AARS2: variants seen among roughly 807,000 people sequenced by gnomAD.
AARS2 encodes the protein alanine--tRNA ligase, mitochondrial.
Under a neutral mutation model 119.7 loss-of-function variants are expected in AARS2, and 78 were observed. The observed-to-expected ratio is 0.65, with a 90% CI of 0.54 to 0.79. AARS2 has a LOEUF of 0.79. AARS2 is among the 30% of genes least tolerant of loss of function. AARS2 has a pLI of 0.00. For synonymous variants in AARS2, 502 were observed against 526.3 expected (o/e 0.95, Z 0.63); for missense variants, 1,157 against 1,291.3 (o/e 0.90, Z 1.59).
rs369566535 is a variant in AARS2 at position 44,304,659 on chromosome 6, G to A, written c.1738C>T (p.Arg580Trp). The A allele has an allele frequency of 8.1e-5, 130 of 1,614,092 alleles. No individual in the cohort carries two copies. The highest frequency in any genetic ancestry group is 9.7e-5 in the Non-Finnish European group (114 of 1,180,050). Reference protein sequence around the residue: ...GQASDRGYLVRAGQEDVLFPV... With the variant: ...GQASDRGYLVWAGQEDVLFPV... ...TGGAGACTCACCTCTTGCCCTGCCC[G>A]CACCAGGTAGCCACGGTCTGAAGCC... The change falls in exon 12 of 22, where the codon CGG (arginine) becomes TGG (tryptophan). Residue 580 changes from arginine (R) to tryptophan (W), a missense_variant. Coordinates refer to ENST00000244571, the MANE Select transcript of AARS2 (RefSeq NM_020745.4).
At chr6:44,309,119 T>G (rs755662592) in intron 5 of AARS2, among the ~76,000 whole-genome samples, 1 of 152,220 alleles carries the variant, frequency 6.6e-6, no homozygotes, top group Non-Finnish European at 1.5e-5. Flanking sequence ...TGACTTGCTT[T>G]GGCCCATAGA....
At chr6:44,302,653 G>A in intron 17 of AARS2, 140 bp from the exon 18 acceptor site, 8 of 1,492,964 alleles carry the variant, frequency 5.4e-6, no homozygotes, top group Non-Finnish European at 7.3e-6. Flanking sequence ...CAAAACACAT[G>A]CCAGCTGCCA....
At chr6:44,304,394 T>C in intron 13 of AARS2, 26 bp downstream of exon 13, 1 of 1,614,052 alleles carries the variant, frequency 6.2e-7, no homozygotes, top group Non-Finnish European at 8.5e-7. Context: ...TGCAGGGTAT[T>C]GGGAACAGTT....
chr6:44,303,085 C>T lies in AARS2; in HGVS notation c.2236G>A (p.Val746Met), dbSNP rs750729510. ...ACTCACGTCCCACAGCATAGCTCCACAGAGGTCTGCAGTGCGGCTTGGGAG... is the reference window on the plus strand; with the variant it reads ...ACTCACGTCCCACAGCATAGCTCCATAGAGGTCTGCAGTGCGGCTTGGGAG... ...PASQAALQTS[V>M]ELCCGTHLLR... Residue 746 changes from valine (V) to methionine (M), a missense_variant, in exon 16 of 22, where the codon GTG becomes ATG. By Grantham distance (21) the Val-to-Met change is conservative. Coordinates refer to ENST00000244571, the MANE Select transcript of AARS2 (RefSeq NM_020745.4). 10 of 1,614,098 alleles carry T rather than the reference C, an allele frequency of 6.2e-6. No homozygotes were observed. In the South Asian group the frequency reaches 1.1e-4, roughly 18 times the overall value.
chr6:44,310,414 G>T lies in AARS2; in HGVS notation c.779C>A (p.Pro260His). 6.2e-7 allele frequency: 1 copy of T among 1,614,018 alleles called. No homozygotes were observed. Residue 260 changes from proline to histidine, a missense_variant, in exon 5 of 22, where the codon CCC becomes CAC. Pro to His is a moderately conservative substitution (Grantham distance 77). Coordinates refer to ENST00000244571, the MANE Select transcript of AARS2 (RefSeq NM_020745.4). ...CATTCCTGTGTCCACATGCCGCTGG[G>T]GCAGGGGCTGCAGGCTTCCATCTGC... ...READGSLQPL[P>H]QRHVDTGMGL... is the part of the protein sequence containing the mutation.
In AARS2 at chr6:44,307,708, T is replaced by C; in HGVS notation, c.895-314A>G. 4.9e-6 allele frequency: 2 copies of C among 412,294 alleles called. No homozygotes were observed. The highest frequency in any genetic ancestry group is 9.0e-6 in the Non-Finnish European group (2 of 222,050). 25.5% of individuals were successfully genotyped at this position (412,294 alleles called of 1,614,324 possible). A position where few individuals can be genotyped will look rare whatever the true frequency, so the allele number is the denominator to read the frequency against. On this transcript the variant is annotated intron_variant, in intron 5 of 21. Coordinates refer to ENST00000244571, the MANE Select transcript of AARS2 (RefSeq NM_020745.4). This position sits in a 1 kb window ranked among gnomAD's most constrained non-coding sequence, Gnocchi z 4.4. ...CCCATTCCAGGAGGTATTAGCATGC[T>C]TGCTTTAAAGAAGAAGAAGCTGAGG...
Position 44,300,244 on chromosome 6 carries a change from G to A in AARS2, c.*303C>T, listed in dbSNP as rs1266620835. Reference sequence around the variant, plus strand: ...TCTACCTGCCTCGGCCTCCCAAAGTGCTTGGATTACAGGTGTGAACCACCA... The same window carrying A: ...TCTACCTGCCTCGGCCTCCCAAAGTACTTGGATTACAGGTGTGAACCACCA... On this transcript the variant is annotated 3_prime_UTR_variant, in exon 22 of 22. Transcript: ENST00000244571. The A allele has an allele frequency of 1.4e-5, 6 of 438,868 alleles. No individual in the cohort carries two copies. The highest frequency in any genetic ancestry group is 1.4e-4 in the South Asian group (6 of 44,278). The allele number at this position is 438,868 out of a possible 1,614,324, so 27.2% of individuals were successfully genotyped here.
At position 44,303,159 on chromosome 6, in the gene AARS2, A is replaced by G. The variant is rs775065697; in HGVS notation, c.2162T>C (p.Val721Ala). ...GGGCACCCCCACTGATACCACCCGC[A>G]CAGGGTCTGGGTAAACCTGAGGTCA... ...RSLDEVYPDPVRVVSVGVPVA... is the reference protein window; with the variant it reads ...RSLDEVYPDPARVVSVGVPVA... Residue 721 changes from valine (V) to alanine (A), a missense_variant, in exon 16 of 22, where the codon GTG (valine) becomes GCG (alanine). By Grantham distance (64) the Val-to-Ala change is moderately conservative (BLOSUM62 0). Transcript: ENST00000244571. 3.0e-5 allele frequency: 49 copies of G among 1,614,014 alleles called. No individual in the cohort carries two copies. In the Admixed American group the frequency reaches 4.0e-4, roughly 13 times the overall value.
At position 44,302,549 on chromosome 6, in the gene AARS2, C is replaced by G. The variant is rs769800356; in HGVS notation, c.2365-36G>C. The G allele has an allele frequency of 2.5e-6, 4 of 1,613,482 alleles. No homozygotes were observed. In the Admixed American group the frequency reaches 5.0e-5, roughly 20 times the overall value. On this transcript the variant is annotated intron_variant, in intron 17 of 21. Coordinates refer to ENST00000244571, the MANE Select transcript of AARS2 (RefSeq NM_020745.4). ...GGGACAGGAGGGTCAGGATTACATTCATCTCCCCAGGACAAGGCCTCTCAA... is the reference window on the plus strand; with the variant it reads ...GGGACAGGAGGGTCAGGATTACATTGATCTCCCCAGGACAAGGCCTCTCAA...
intron 14 of AARS2, 117 bp from the exon 15 acceptor site, chr6:44,303,540 C>A (rs1160402928): frequency 5.4e-6 from 8 of 1,486,750 alleles, no homozygotes; most frequent in Non-Finnish European, 7.5e-6. Context: ...AGAATAGTGG[C>A]TAGCACATAA....
At chr6:44,311,604 A>G (rs2153357394) in intron 2 of AARS2, 69 bp from the exon 3 acceptor site, 1 of 1,573,050 alleles carries the variant, frequency 6.4e-7, no homozygotes, top group East Asian at 2.3e-5. Flanking sequence ...GAAGTAATCA[A>G]GCCACATGAG....
rs757708179 is a variant in AARS2 at position 44,307,342 on chromosome 6, C to T, written c.947G>A (p.Arg316His). The T allele has an allele frequency of 4.0e-5, 65 of 1,611,446 alleles. 1 individual carries two copies. The highest frequency in any genetic ancestry group is 5.1e-5 in the Non-Finnish European group (60 of 1,179,012). Residue 316 changes from arginine to histidine, a missense_variant, in exon 6 of 22, where the codon CGC becomes CAC. By Grantham distance (29) the Arg-to-His change is conservative. Coordinates refer to ENST00000244571, the MANE Select transcript of AARS2 (RefSeq NM_020745.4). This position sits in a 1 kb window ranked among gnomAD's most constrained non-coding sequence, Gnocchi z 4.4. ...LGRVGVADEG[R>H]TDTAYRVVAD... Reference sequence around the variant, plus strand: ...CACCACGCGGTACGCTGTGTCTGTGCGCCCCTCGTCTGCCACCCCTACTCG... The same window carrying T: ...CACCACGCGGTACGCTGTGTCTGTGTGCCCCTCGTCTGCCACCCCTACTCG...
Position 44,299,008 on chromosome 6 carries a change from C to A in AARS2, c.*1539G>T, listed in dbSNP as rs1190837659. On this transcript the variant is annotated 3_prime_UTR_variant, in exon 22 of 22. Coordinates refer to ENST00000244571, the MANE Select transcript of AARS2 (RefSeq NM_020745.4). ...TTTAATAAGCATATTGTTTGTCTGA[C>A]CCCGCTCTCCAGCCTCCTCACCTGC... Among the ~76,000 whole-genome samples the A allele has an allele frequency of 6.6e-6, 1 of 152,196 alleles. No individual in the cohort carries two copies. Among genetic ancestry groups the A allele is most frequent in the Non-Finnish European group, 1.5e-5 (1 of 68,036 alleles).
chr6:44,300,830 T>C (rs1279767638), intron 21 of AARS2, 119 bp from the exon 22 acceptor site: 2 of 1,298,606 alleles, frequency 1.5e-6, no homozygotes, highest in Admixed American at 2.0e-5. Flanking sequence ...GCTGGGCACA[T>C]GGTGGGGCAG....
At position 44,306,531 on chromosome 6, in the gene AARS2, C is replaced by A. The variant is rs750451977; in HGVS notation, c.1151G>T (p.Gly384Val). The A allele has an allele frequency of 3.7e-6, 6 of 1,614,026 alleles. No individual in the cohort carries two copies. Among genetic ancestry groups the A allele is most frequent in the Non-Finnish European group, 5.1e-6 (6 of 1,180,024 alleles). ...CCTTTGCAGTTCTGGATAAGCATCTCCCTGGGGGAGGTGGAGAGGGCTGAG... is the reference window on the plus strand; with the variant it reads ...CCTTTGCAGTTCTGGATAAGCATCTACCTGGGGGAGGTGGAGAGGGCTGAG... ...SLVPVVVETL[G>V]DAYPELQRNS... is the part of the protein sequence containing the mutation. Residue 384 changes from glycine (G) to valine (V), a missense_variant and splice_region_variant, in exon 8 of 22, where the codon GGA (glycine) becomes GTA (valine). By Grantham distance (109) the Gly-to-Val change is moderately radical. Coordinates refer to ENST00000244571, the MANE Select transcript of AARS2 (RefSeq NM_020745.4).
At position 44,299,637 on chromosome 6, in the gene AARS2, T is replaced by C. The variant is rs1009080940; in HGVS notation, c.*910A>G. 2 of 152,140 alleles carry C rather than the reference T, an allele frequency of 1.3e-5. No homozygotes were observed. The highest frequency in any genetic ancestry group is 4.8e-5 in the African/African-American group (2 of 41,426). The allele number at this position is 152,140 out of a possible 1,614,324, so 9.4% of individuals were successfully genotyped here. ...ATGAAGGAAGGAACTGTCAGTTTAG[T>C]GCCCGCCACGTTCTCAGTTGCTCAA... is the stretch of plus-strand genomic sequence containing the variant. On this transcript the variant is annotated 3_prime_UTR_variant, in exon 22 of 22. Coordinates refer to ENST00000244571, the MANE Select transcript of AARS2 (RefSeq NM_020745.4).
intron 9 of AARS2, 137 bp downstream of exon 9, chr6:44,306,141 GGA>G (rs1446126915): frequency 1.2e-6 from 1 of 862,614 alleles, no homozygotes; most frequent in African/African-American, 1.7e-5. Flanking sequence ...GGGTATGGAA[GGA>G]GAGTCCAGGG....
chr6:44,302,568 C>G, intron 17 of AARS2, 55 bp from the exon 18 acceptor site: 1 of 1,611,242 alleles, frequency 6.2e-7, no homozygotes, highest in Non-Finnish European at 8.5e-7. Flanking sequence ...AGGACAAGGC[C>G]TCTCAACTCA....
At position 44,310,991 on chromosome 6, in the gene AARS2, T is replaced by C. The variant is rs1259269650; in HGVS notation, c.749+3A>G. 3.7e-6 allele frequency: 6 copies of C among 1,613,876 alleles called. No individual in the cohort carries two copies. Among genetic ancestry groups the C allele is most frequent in the Non-Finnish European group, 5.1e-6 (6 of 1,180,016 alleles). Reference sequence around the variant, plus strand: ...TTCTCATCCTGCTTCAGCACCCTATTACCTGTTGTGTTGCATGAAGACCAG... The same window carrying C: ...TTCTCATCCTGCTTCAGCACCCTATCACCTGTTGTGTTGCATGAAGACCAG... On this transcript the variant is annotated splice_donor_region_variant and intron_variant, in intron 4 of 21. Coordinates refer to ENST00000244571, the MANE Select transcript of AARS2 (RefSeq NM_020745.4).
Sources: allele counts gnomAD v4.1 joint callset (sites outside exome capture counted in the v4.1 genomes callset), GRCh38; gene constraint gnomAD v4.1.1; non-coding constraint Gnocchi (gnomAD v3.1); transcripts MANE v1.5; gene names NCBI Gene and HGNC (gene_info 2026-07-23, HGNC 2026-07-21).